The following MYO9A variants were observed in gnomAD, a reference collection of about 807,000 sequenced individuals.
MYO9A encodes the protein myosin IXA, also known as unconventional myosin-IXa.
A neutral mutation model predicts 293.3 loss-of-function variants in MYO9A; 103 were observed. The ratio of observed to expected loss-of-function variants is 0.35; its 90% CI spans 0.30 to 0.41. The LOEUF is 0.41. Ranked by LOEUF, MYO9A falls within the 10% of genes least tolerant of loss-of-function variation. The pLI, the probability that MYO9A is intolerant of heterozygous loss-of-function variation, is 1.00. For missense variants in MYO9A, 2,685 were observed against 3,033.0 expected (o/e 0.89, Z 2.69); for synonymous variants, 1,001 against 1,035.7 (o/e 0.97, Z 0.64).
rs772022806 is a variant in MYO9A at position 71,848,759 on chromosome 15, T to C, written c.6837+86A>G. On this transcript the variant is annotated intron_variant, in intron 39 of 41. Coordinates refer to ENST00000356056, the MANE Select transcript of MYO9A (RefSeq NM_006901.4). ...TTGTTTTTTATAAAAAAGATTCTGA[T>C]AATAATCCTTGTATACACCACAAAA... is the stretch of plus-strand genomic sequence containing the variant. The C allele has an allele frequency of 2.8e-4, 391 of 1,402,714 alleles. 1 individual carries two copies. Among genetic ancestry groups the C allele is most frequent in the Non-Finnish European group, 3.6e-4 (377 of 1,059,454 alleles). 86.9% of individuals were successfully genotyped at this position (1,402,714 alleles called of 1,614,324 possible).
rs1050147237 is a variant in MYO9A, at chr15:71,876,143, A to C, written c.5932-305T>G. Among the ~76,000 whole-genome samples the C allele has an allele frequency of 2.0e-5, 3 of 149,668 alleles. 1 individual carries two copies. Among genetic ancestry groups the C allele is most frequent in the Non-Finnish European group, 4.4e-5 (3 of 67,574 alleles). ...AAATGATTGTTTTATTTTAATCATT[A>C]ATTGATTTTTTTTTTTTTTTGAGAC... On this transcript the variant is annotated intron_variant, in intron 31 of 41. Coordinates refer to ENST00000356056, the MANE Select transcript of MYO9A (RefSeq NM_006901.4).
chr15:71,845,752 G>A (rs1346792396), intron 39 of MYO9A, among the ~76,000 whole-genome samples: 2 of 152,110 alleles, frequency 1.3e-5, no homozygotes, highest in African/African-American at 4.8e-5. Context: ...CTTCTTAACT[G>A]TTAAATTAAC....
intron 18 of MYO9A, among the ~76,000 whole-genome samples, chr15:71,927,647 A>G (rs2929515): frequency 0.93 from 141,046 of 152,052 alleles, 65,751 homozygotes; most frequent in Non-Finnish European, 0.97. Context: ...ACATTTGGTC[A>G]CAGATGTAGA....
intron 9 of MYO9A, among the ~76,000 whole-genome samples, chr15:71,998,368 G>A (rs981963396): frequency 2.6e-5 from 4 of 152,118 alleles, no homozygotes; most frequent in Admixed American, 1.3e-4. Context: ...CCTGGGTGAC[G>A]AAATAATCTC....
intron 19 of MYO9A, among the ~76,000 whole-genome samples, chr15:71,915,735 G>A (rs2057991600): frequency 6.6e-6 from 1 of 151,954 alleles, no homozygotes; most frequent in Non-Finnish European, 1.5e-5. Context: ...ATGAAATAGG[G>A]TAAAATTATG....
intron 19 of MYO9A, among the ~76,000 whole-genome samples, chr15:71,906,757 TC>T (rs1473361270): frequency 4.6e-5 from 4 of 86,826 alleles, no homozygotes; most frequent in African/African-American, 1.5e-4. Flanking sequence ...TCCATTTCTT[TC>T]TTTTTTTTTT....
rs772538066 is a variant in MYO9A, at chr15:71,897,584, C to T, written c.4919G>A (p.Arg1640His). ...LNVACKLSNNRISKREHFRPT... is the reference protein window; with the variant it reads ...LNVACKLSNNHISKREHFRPT... ...CCTAAAGTGTTCTCTTTTTGAAATG[C>T]GATTATTTGAGAGTTTACAGGCTAC... Residue 1640 changes from arginine (R) to histidine (H), a missense_variant, in exon 25 of 42, where the codon CGC (arginine) becomes CAC (histidine). Around this residue, in one of 10 missense-constraint regions of MYO9A, gnomAD observed 1,434 missense variants for 1,497.7 expected, o/e 0.96. Coordinates refer to ENST00000356056, the MANE Select transcript of MYO9A (RefSeq NM_006901.4). The T allele has an allele frequency of 3.0e-5, 48 of 1,614,050 alleles. No individual in the cohort carries two copies. The highest frequency in any genetic ancestry group is 2.7e-4 in the Admixed American group (16 of 59,994).
chr15:72,032,759 TA>T (rs915800523), intron 2 of MYO9A, among the ~76,000 whole-genome samples, 171 bp from the exon 3 acceptor site: 111 of 151,084 alleles, frequency 7.3e-4, no homozygotes, highest in African/African-American at 2.0e-3. Context: ...AAAATTTTTT[TA>T]AAAAAAAAGC....
intron 11 of MYO9A, among the ~76,000 whole-genome samples, chr15:71,978,805 G>T (rs753140578): frequency 6.7e-6 from 1 of 148,516 alleles, no homozygotes; most frequent in Non-Finnish European, 1.5e-5. Context: ...AAAAGGTTTT[G>T]AATTCTAAGG....
Position 71,991,109 on chromosome 15 carries a change from C to T in MYO9A, c.1716G>A (p.Leu572=). The T allele has an allele frequency of 1.3e-6, 2 of 1,595,760 alleles. No homozygotes were observed. Among genetic ancestry groups the T allele is most frequent in the Middle Eastern group, 1.7e-4 (1 of 5,878 alleles). The change falls in exon 11 of 42, where the codon TTG becomes TTA. Residue 572 remains leucine, a synonymous_variant. Transcript: ENST00000356056. ...QHYFNQHIFK[L]EQEEYRTEGI... ...TACATATTTAGGTACTCACTTGTTC[C>T]AATTTAAAGATATGCTGATTAAAGT... is the stretch of plus-strand genomic sequence containing the variant.
chr15:71,947,955 C>G (rs1567305347), intron 15 of MYO9A, among the ~76,000 whole-genome samples: 1 of 152,226 alleles, frequency 6.6e-6, no homozygotes. Context: ...CCCAAAACTT[C>G]AATTTTTCCT....
At chr15:71,996,689 T>C (rs1303391548) in intron 9 of MYO9A, among the ~76,000 whole-genome samples, 1 of 151,920 alleles carries the variant, frequency 6.6e-6, no homozygotes, top group African/African-American at 2.4e-5. Flanking sequence ...TTTAATCAAA[T>C]TTTTTTCTTT....
chr15:72,078,069 G>A (rs1383893622), intron 1 of MYO9A, among the ~76,000 whole-genome samples: 2 of 152,142 alleles, frequency 1.3e-5, no homozygotes, highest in African/African-American at 4.8e-5. Context: ...CTCATTCATT[G>A]CTGGTGGGGA....
upstream of MYO9A, chr15:72,118,230 T>A (rs2151301656): frequency 3.0e-6 from 1 of 336,842 alleles, no homozygotes; most frequent in East Asian, 4.5e-5. Context: ...CACTGGAGAG[T>A]ACAGCGTGCG....
At chr15:72,069,686 G>A (rs1013614164) in intron 1 of MYO9A, among the ~76,000 whole-genome samples, 12 of 152,072 alleles carry the variant, frequency 7.9e-5, no homozygotes, top group South Asian at 4.1e-4. Flanking sequence ...AGTAAATATA[G>A]GAGCAAAGTA....
At chr15:71,916,782 G>GA (rs2058024376) in intron 18 of MYO9A, among the ~76,000 whole-genome samples, 1 of 152,216 alleles carries the variant, frequency 6.6e-6, no homozygotes, top group South Asian at 2.1e-4. Context: ...AGGTATAACT[G>GA]AGGCAGAGGC....
intron 39 of MYO9A, among the ~76,000 whole-genome samples, chr15:71,835,030 A>G (rs923879153): frequency 2.0e-5 from 3 of 152,138 alleles, no homozygotes; most frequent in Admixed American, 6.5e-5. Context: ...GTAATGTGTC[A>G]TATCAATGCA....
chr15:71,928,061 T>TATTATTA (rs2058373746), intron 18 of MYO9A, among the ~76,000 whole-genome samples: 4 of 9,760 alleles, frequency 4.1e-4, no homozygotes, highest in African/African-American at 1.0e-3. Flanking sequence ...TATATATTTT[T>TATTATTA]TTTTTTTTTT....
At chr15:72,008,500 G>A (rs1291196694) in intron 7 of MYO9A, among the ~76,000 whole-genome samples, 1 of 150,932 alleles carries the variant, frequency 6.6e-6, no homozygotes, top group African/African-American at 2.4e-5. Context: ...GTGTGTGTGT[G>A]TGTGTATGTG....
Sources: gnomAD v4.1 joint callset for allele counts (sites outside exome capture counted in the v4.1 genomes callset) on GRCh38, gnomAD v4.1.1 for gene constraint, gnomAD v4.1.1 regional missense constraint, MANE v1.5 for transcripts, NCBI Gene and HGNC (gene_info 2026-07-23, HGNC 2026-07-21) for gene names.